The following GDAP2 variants were observed in gnomAD, a reference collection of about 807,000 sequenced individuals.
GDAP2 encodes the protein ganglioside induced differentiation associated protein 2.
Under a neutral mutation model 67.0 loss-of-function variants are expected in GDAP2, and 51 were observed. That is an observed-to-expected ratio of 0.76 (90% CI 0.61 to 0.96). The LOEUF (loss-of-function observed/expected upper bound fraction) is 0.96. GDAP2 is among the 40% of genes least tolerant of loss of function. The pLI, the probability that GDAP2 is intolerant of heterozygous loss-of-function variation, is 0.00. For synonymous variants in GDAP2, 203 were observed against 207.3 expected (o/e 0.98, Z 0.18); for missense variants, 547 against 588.3 (o/e 0.93, Z 0.73).
chr1:117,927,202 T>C (rs1650480814), intron 1 of GDAP2, among the ~76,000 whole-genome samples: 1 of 152,084 alleles, frequency 6.6e-6, no homozygotes, highest in Non-Finnish European at 1.5e-5. Flanking sequence ...TAAACAGCTC[T>C]CATTACACTG....
At position 117,917,982 on chromosome 1, in the gene GDAP2, A is replaced by G. The variant is rs141694288; in HGVS notation, c.316+615T>C. ...CAAAAAATGCAATTCTTCCCATTCT[A>G]TCCCTTCTTTCATAGAGCCAGCACT... On this transcript the variant is annotated intron_variant, in intron 3 of 13. Coordinates refer to ENST00000369443, the MANE Select transcript of GDAP2 (RefSeq NM_017686.4). Among the ~76,000 whole-genome samples the G allele has an allele frequency of 5.1e-3, 773 of 152,202 alleles. 11 individuals are homozygous for G. The highest frequency in any genetic ancestry group is 0.023 in the Admixed American group (347 of 15,292).
chr1:117,867,085 GA>G lies in GDAP2; in HGVS notation c.*3483del, dbSNP rs1305137437. On this transcript the variant is annotated 3_prime_UTR_variant, in exon 14 of 14. Transcript: ENST00000369443. Reference sequence around the variant, plus strand: ...ACATACATACTGTCAATGTATCGGGGAAATACAAAGAGTGATCTTTAGTTTA... The same window carrying G: ...ACATACATACTGTCAATGTATCGGGGAATACAAAGAGTGATCTTTAGTTTA... 1.3e-5 allele frequency: 2 copies of G among 151,962 alleles called. No individual in the cohort carries two copies. The highest frequency in any genetic ancestry group is 4.8e-5 in the African/African-American group (2 of 41,374). 9.4% of individuals were successfully genotyped at this position (151,962 alleles called of 1,614,324 possible).
chr1:117,906,807 G>A (rs1238288167), intron 5 of GDAP2, among the ~76,000 whole-genome samples: 1 of 152,140 alleles, frequency 6.6e-6, no homozygotes, highest in African/African-American at 2.4e-5. Context: ...GAAGTTACTT[G>A]TGTATTGTTA....
chr1:117,924,625 C>G (rs763041252), intron 1 of GDAP2, among the ~76,000 whole-genome samples: 2 of 152,144 alleles, frequency 1.3e-5, no homozygotes, highest in South Asian at 4.1e-4. Context: ...ATTCCTAAAT[C>G]AACACTGCGG....
intron 5 of GDAP2, among the ~76,000 whole-genome samples, chr1:117,909,052 C>A (rs1021087616): frequency 6.6e-6 from 1 of 151,892 alleles, no homozygotes; most frequent in African/African-American, 2.4e-5. Flanking sequence ...TGTCATGACT[C>A]TAAGGTTTTA....
chr1:117,867,215 G>A lies in GDAP2; in HGVS notation c.*3354C>T, dbSNP rs1388637405. 1 of 152,108 alleles carries A rather than the reference G, an allele frequency of 6.6e-6. No homozygotes were observed. Among genetic ancestry groups the A allele is most frequent in the Non-Finnish European group, 1.5e-5 (1 of 68,018 alleles). 9.4% of individuals were successfully genotyped at this position (152,108 alleles called of 1,614,324 possible). On this transcript the variant is annotated 3_prime_UTR_variant, in exon 14 of 14. Transcript: ENST00000369443. ...CAATATCCAAGCAAACAGAAAAGAAGAGGAAATAGGCAAGCCATGTTTTTC... is the reference window on the plus strand; with the variant it reads ...CAATATCCAAGCAAACAGAAAAGAAAAGGAAATAGGCAAGCCATGTTTTTC...
chr1:117,897,744 A>G (rs1649313343), intron 7 of GDAP2, among the ~76,000 whole-genome samples: 1 of 152,176 alleles, frequency 6.6e-6, no homozygotes, highest in South Asian at 2.1e-4. Flanking sequence ...TCCCAAGGCA[A>G]TGCCAGCACT....
At position 117,878,038 on chromosome 1, in the gene GDAP2, GA is replaced by G; in HGVS notation, c.1416del (p.Pro473LeufsTer44). 1.2e-6 allele frequency: 2 copies of G among 1,612,756 alleles called. No individual in the cohort carries two copies. Among genetic ancestry groups the G allele is most frequent in the Admixed American group, 1.7e-5 (1 of 60,006 alleles). On this transcript the variant is annotated frameshift_variant, in exon 13 of 14. Coordinates refer to ENST00000369443, the MANE Select transcript of GDAP2 (RefSeq NM_017686.4). LOFTEE classifies it high-confidence loss of function. ...GCATCATATTCAAGGACAAAAGGAG[GA>G]AAGTCAATCTGTTCTGGTGATATGG... ...FSAISPEQID[F>X]PPFVLEYDAR...
chr1:117,872,917 A>C (rs1557792717), intron 13 of GDAP2, among the ~76,000 whole-genome samples: 1 of 152,194 alleles, frequency 6.6e-6, no homozygotes. Context: ...TATCTTCAAT[A>C]TGCATGGAAG....
intron 6 of GDAP2, among the ~76,000 whole-genome samples, chr1:117,904,417 T>C (rs1281174299): frequency 6.6e-6 from 1 of 152,260 alleles, no homozygotes; most frequent in Non-Finnish European, 1.5e-5. Flanking sequence ...TATTCTTTCA[T>C]CTTTTATGTT....
intron 1 of GDAP2, among the ~76,000 whole-genome samples, chr1:117,920,700 G>A (rs1364093841): frequency 6.7e-6 from 1 of 149,194 alleles, no homozygotes; most frequent in Non-Finnish European, 1.5e-5. Context: ...TCCAGAAACA[G>A]GACTATTCAT....
chr1:117,875,888 A>C lies in GDAP2; in HGVS notation c.1446+2121T>G, dbSNP rs75429734. Reference sequence around the variant, plus strand: ...CAACCATTATATCTTGGAAGCAAATAATTTGATTTTGAGTTTACAGATTTA... The same window carrying C: ...CAACCATTATATCTTGGAAGCAAATCATTTGATTTTGAGTTTACAGATTTA... On this transcript the variant is annotated intron_variant, in intron 13 of 13. Coordinates refer to ENST00000369443, the MANE Select transcript of GDAP2 (RefSeq NM_017686.4). Among the ~76,000 whole-genome samples the C allele has an allele frequency of 4.2e-3, 642 of 152,204 alleles. 5 individuals are homozygous for C. The highest frequency in any genetic ancestry group is 0.015 in the African/African-American group (615 of 41,516).
intron 3 of GDAP2, among the ~76,000 whole-genome samples, chr1:117,915,439 T>C (rs1398409435): frequency 6.6e-6 from 1 of 152,176 alleles, no homozygotes; most frequent in Non-Finnish European, 1.5e-5. Context: ...CTGGATTGGA[T>C]ACTGGTTTGG....
At position 117,918,707 on chromosome 1, in the gene GDAP2, G is replaced by A. The variant is rs746934103; in HGVS notation, c.206C>T (p.Thr69Ile). Residue 69 changes from threonine to isoleucine, a missense_variant, in exon 3 of 14, where the codon ACA (threonine) becomes ATA (isoleucine). Coordinates refer to ENST00000369443, the MANE Select transcript of GDAP2 (RefSeq NM_017686.4). ...WKGDVALLNCTAIVNTSNESL... is the reference protein window; with the variant it reads ...WKGDVALLNCIAIVNTSNESL... ...TTCATTGCTGGTATTCACAATGGCT[G>A]TACAGTTCAGTAATGCCACATCTCC... The A allele has an allele frequency of 2.5e-6, 4 of 1,596,584 alleles. No homozygotes were observed. In the Admixed American group the frequency reaches 6.7e-5, roughly 27 times the overall value.
At chr1:117,920,145 G>A in intron 2 of GDAP2, 37 bp downstream of exon 2, 2 of 1,192,630 alleles carry the variant, frequency 1.7e-6, no homozygotes, top group Admixed American at 1.9e-5. Flanking sequence ...ATGAGAAAGT[G>A]TTATCTCCTC....
At position 117,868,189 on chromosome 1, in the gene GDAP2, G is replaced by T. The variant is rs1570959314; in HGVS notation, c.*2380C>A. 1 of 152,084 alleles carries T rather than the reference G, an allele frequency of 6.6e-6. No homozygotes were observed. Among genetic ancestry groups the T allele is most frequent in the Non-Finnish European group, 1.5e-5 (1 of 68,028 alleles). 9.4% of individuals were successfully genotyped at this position (152,084 alleles called of 1,614,324 possible). A position where few individuals can be genotyped will look rare whatever the true frequency, so the allele number is the denominator to read the frequency against. ...GTTGCTTAATCATTTCAATATCAAG[G>T]TCATTATATTTCTCCTCTAGGATTT... On this transcript the variant is annotated 3_prime_UTR_variant, in exon 14 of 14. Transcript: ENST00000369443.
intron 13 of GDAP2, among the ~76,000 whole-genome samples, chr1:117,874,624 T>C (rs1648394365): frequency 6.6e-6 from 1 of 152,164 alleles, no homozygotes; most frequent in Non-Finnish European, 1.5e-5. Context: ...CCTGAAAATG[T>C]GGAAGCAGCT....
chr1:117,885,677 G>C (rs1187954419), intron 10 of GDAP2, among the ~76,000 whole-genome samples: 2 of 152,108 alleles, frequency 1.3e-5, no homozygotes, highest in Non-Finnish European at 2.9e-5. Context: ...AGAGTTTGAG[G>C]ACTTAGCCAG....
rs571911707 is a variant in GDAP2, at chr1:117,901,782, A to G, written c.637-2566T>C. 5.9e-5 allele frequency among the ~76,000 whole-genome samples: 9 copies of G among 152,372 alleles called. 1 individual carries two copies. Among genetic ancestry groups the G allele is most frequent in the Admixed American group, 3.9e-4 (6 of 15,302 alleles). ...TAAGGGATAACTAATTCCTAAAGAT[A>G]GTAAACAGCACATCTTGCATATGCC... On this transcript the variant is annotated intron_variant, in intron 6 of 13. Transcript: ENST00000369443.
Sources: allele counts gnomAD v4.1 joint callset (sites outside exome capture counted in the v4.1 genomes callset), GRCh38; gene constraint gnomAD v4.1.1; transcripts MANE v1.5; gene names NCBI Gene and HGNC (gene_info 2026-07-23, HGNC 2026-07-21).